The following CCNY variants were observed in gnomAD, a reference collection of about 807,000 sequenced individuals.
CCNY encodes the protein cyclin Y.
In CCNY, 19 loss-of-function variants were observed where a neutral mutation model predicts 42.8. The ratio of observed to expected loss-of-function variants is 0.44; its 90% CI spans 0.31 to 0.65. The LOEUF (loss-of-function observed/expected upper bound fraction) is 0.65. Ranked by LOEUF, CCNY falls within the 30% of genes least tolerant of loss-of-function variation. The pLI, the probability that CCNY is intolerant of heterozygous loss-of-function variation, is 0.07. For synonymous variants in CCNY, 165 were observed against 162.7 expected, an observed-to-expected ratio of 1.01 and a Z score of -0.11; for missense variants, 370 against 437.3, an observed-to-expected ratio of 0.85 and a Z score of 1.37.
At chr10:35,256,965 T>C (rs1447471321) in intron 3 of CCNY, among the ~76,000 whole-genome samples, 1 of 152,072 alleles carries the variant, frequency 6.6e-6, no homozygotes, top group Non-Finnish European at 1.5e-5. Context: ...AATGTATTAG[T>C]CTCTTAAGAG....
intron 1 of CCNY, among the ~76,000 whole-genome samples, chr10:35,338,618 A>G (rs997102077): frequency 6.6e-6 from 1 of 152,216 alleles, no homozygotes; most frequent in Non-Finnish European, 1.5e-5. Context: ...AATAAACAGT[A>G]AGTATTGTAC....
chr10:35,556,661 A>G (rs1841368133), intron 8 of CCNY, among the ~76,000 whole-genome samples: 1 of 152,124 alleles, frequency 6.6e-6, no homozygotes, highest in Admixed American at 6.5e-5. Flanking sequence ...TAATAGCTGA[A>G]AGGATGCTCT....
intron 2 of CCNY, among the ~76,000 whole-genome samples, chr10:35,489,216 T>A (rs1442270385): frequency 6.6e-6 from 1 of 152,232 alleles, no homozygotes; most frequent in African/African-American, 2.4e-5. Flanking sequence ...TGGAAAAACA[T>A]TTCTTGGTGA....
At chr10:35,538,032 A>G (rs556821584) in intron 7 of CCNY, among the ~76,000 whole-genome samples, 2 of 152,124 alleles carry the variant, frequency 1.3e-5, no homozygotes, top group South Asian at 2.1e-4. Context: ...GGTTTCCCCC[A>G]TACTGTTCTC....
chr10:35,415,877 C>T lies in CCNY; in HGVS notation c.155-67527C>T, dbSNP rs941023496. Among the ~76,000 whole-genome samples the T allele has an allele frequency of 7.2e-5, 11 of 152,180 alleles. No individual in the cohort carries two copies. In the East Asian group the frequency reaches 1.2e-3, roughly 16 times the overall value. On this transcript the variant is annotated intron_variant, in intron 1 of 9. Coordinates refer to ENST00000374704, the MANE Select transcript of CCNY (RefSeq NM_145012.6). ...TGTGGGCCGAGCAGGTGGCAGTGCC[C>T]GCTCTGACTGCACAGATCGACAGAG...
At chr10:35,568,966 T>TGAGGG (rs1695096417) in intron 9 of CCNY, 88 bp from the exon 10 acceptor site, 5 of 837,584 alleles carry the variant, frequency 6.0e-6, no homozygotes, top group Non-Finnish European at 6.1e-6. Flanking sequence ...TGCCTGTCCC[T>TGAGGG]CATGCAGCGC....
chr10:35,469,470 C>T (rs186175590), intron 1 of CCNY, among the ~76,000 whole-genome samples: 252 of 151,842 alleles, frequency 1.7e-3, no homozygotes, highest in Non-Finnish European at 3.1e-3. Context: ...GAAGGGAAAA[C>T]GGAAACAGTT....
chr10:35,569,069 T>C lies in CCNY; in HGVS notation c.925T>C (p.Cys309Arg). The change falls in exon 10 of 10, where the codon TGC becomes CGC. Residue 309 changes from cysteine (C) to arginine (R), a missense_variant. By Grantham distance (180) the Cys-to-Arg change is radical. Transcript: ENST00000374704. ...TGCCCCTCAGGCCATCTCTCGCCTC[T>C]GCGAGGACAAGTACAAGGACCTAAG... Reference protein sequence around the residue: ...AHKLEAISRLCEDKYKDLRRS... With the variant: ...AHKLEAISRLREDKYKDLRRS... 1 of 1,612,224 alleles carries C rather than the reference T, an allele frequency of 6.2e-7. No individual in the cohort carries two copies. The highest frequency in any genetic ancestry group is 8.5e-7 in the Non-Finnish European group (1 of 1,178,868).
intron 1 of CCNY, among the ~76,000 whole-genome samples, chr10:35,423,526 G>A (rs1044724966): frequency 1.3e-5 from 2 of 150,424 alleles, no homozygotes; most frequent in Non-Finnish European, 3.0e-5. Context: ...TTGGTGGGGT[G>A]GGGAGACGTA....
chr10:35,379,013 G>T (rs1164140912), intron 1 of CCNY, among the ~76,000 whole-genome samples: 1 of 152,180 alleles, frequency 6.6e-6, no homozygotes, highest in Non-Finnish European at 1.5e-5. Context: ...TTGGATGAAG[G>T]TTGAAAGGAG....
At chr10:35,345,074 C>A (rs1836270576) in intron 1 of CCNY, among the ~76,000 whole-genome samples, 1 of 152,146 alleles carries the variant, frequency 6.6e-6, no homozygotes, top group Non-Finnish European at 1.5e-5. Flanking sequence ...GATTTATAAT[C>A]CTTTGGGTAT....
At chr10:35,394,556 G>A (rs1195399110) in intron 1 of CCNY, among the ~76,000 whole-genome samples, 1 of 152,172 alleles carries the variant, frequency 6.6e-6, no homozygotes, top group Non-Finnish European at 1.5e-5. Context: ...TGGGTCACAC[G>A]GCCGGCTTCA....
chr10:35,392,121 C>T (rs1837427049), intron 1 of CCNY, among the ~76,000 whole-genome samples: 1 of 152,202 alleles, frequency 6.6e-6, no homozygotes, highest in Non-Finnish European at 1.5e-5. Context: ...ACTACAAGAT[C>T]TTTCAAGATA....
chr10:35,490,031 G>A (rs967176777), intron 2 of CCNY, among the ~76,000 whole-genome samples: 3 of 152,076 alleles, frequency 2.0e-5, no homozygotes, highest in Admixed American at 1.3e-4. Context: ...CTCTGTCGCC[G>A]CAGAGGTCTT....
At chr10:35,323,838 G>T (rs1162058430) in intron 3 of CCNY, among the ~76,000 whole-genome samples, 3 of 152,074 alleles carry the variant, frequency 2.0e-5, no homozygotes, top group African/African-American at 4.8e-5. Context: ...GGCCAACATG[G>T]TGAAACCCTG....
intron 3 of CCNY, among the ~76,000 whole-genome samples, chr10:35,297,282 A>C (rs1475856601): frequency 6.6e-6 from 1 of 152,262 alleles, no homozygotes; most frequent in Non-Finnish European, 1.5e-5. Flanking sequence ...AGATGCAGAA[A>C]GGCTTTTGAT....
At chr10:35,291,199 G>T (rs1835409619) in intron 3 of CCNY, among the ~76,000 whole-genome samples, 1 of 151,924 alleles carries the variant, frequency 6.6e-6, no homozygotes. Flanking sequence ...TAGAGATGGG[G>T]TTTCACCATG....
At chr10:35,346,003 A>G (rs1836294077) in intron 1 of CCNY, among the ~76,000 whole-genome samples, 1 of 152,134 alleles carries the variant, frequency 6.6e-6, no homozygotes, top group Non-Finnish European at 1.5e-5. Flanking sequence ...CATTCCTAGG[A>G]ATGTCAGCAT....
intron 1 of CCNY, among the ~76,000 whole-genome samples, chr10:35,431,879 G>A (rs1265986181): frequency 6.6e-6 from 1 of 151,994 alleles, no homozygotes; most frequent in Non-Finnish European, 1.5e-5. Context: ...CCAGAGATTA[G>A]CCTCCTATTG....
Sources: allele counts gnomAD v4.1 joint callset (sites outside exome capture counted in the v4.1 genomes callset), GRCh38; gene constraint gnomAD v4.1.1; transcripts MANE v1.5; gene names NCBI Gene and HGNC (gene_info 2026-07-23, HGNC 2026-07-21).